RNF20: variants seen among roughly 807,000 people sequenced by gnomAD.
RNF20 encodes the protein E3 ubiquitin-protein ligase BRE1A.
In RNF20, 84 loss-of-function variants were observed where a neutral mutation model predicts 126.2. That is an observed-to-expected ratio of 0.67 (90% CI 0.56 to 0.80). The LOEUF is 0.80. RNF20 is among the 30% of genes least tolerant of loss of function. The pLI, the probability that RNF20 is intolerant of heterozygous loss-of-function variation, is 0.00. For synonymous variants in RNF20, 400 were observed against 414.3 expected (o/e 0.97, Z 0.42); for missense variants, 869 against 1,188.2 (o/e 0.73, Z 3.95).
At position 101,536,464 on chromosome 9, in the gene RNF20, A is replaced by G. The variant is rs147489648; in HGVS notation, c.129+912A>G. On this transcript the variant is annotated intron_variant, in intron 2 of 19. Coordinates refer to ENST00000389120, the MANE Select transcript of RNF20 (RefSeq NM_019592.7). The stretch of plus-strand genomic sequence containing the variant: ...TTTTTTGAGTCAGAATAATAGGAAC[A>G]TTCATAGTGAGTTGTTGATGAAGTG... Among the ~76,000 whole-genome samples, 3 of 152,228 alleles carry G rather than the reference A, an allele frequency of 2.0e-5. No homozygotes were observed. The East Asian group carries it at 5.8e-4, about 29-fold the overall frequency.
Position 101,552,731 on chromosome 9 carries a change from A to G in RNF20, c.1879A>G (p.Lys627Glu). The G allele has an allele frequency of 6.2e-7, 1 of 1,608,290 alleles. No homozygotes were observed. The highest frequency in any genetic ancestry group is 1.1e-5 in the South Asian group (1 of 90,160). The stretch of plus-strand genomic sequence containing the variant: ...ACGGAAAAAGGAAGCAGAAATTATC[A>G]AACAATTGAAGATTGAACTCAAGTA... ...DGRKKEAEIIKQLKIELKKAQ... is the reference protein window; with the variant it reads ...DGRKKEAEIIEQLKIELKKAQ... Residue 627 changes from lysine to glutamate, a missense_variant, in exon 13 of 20, where the codon AAA becomes GAA. Lys to Glu is a moderately conservative substitution (Grantham distance 56). This residue lies in a region of RNF20 where 231 missense variants were observed against 263.6 expected (regional missense o/e 0.88). Coordinates refer to ENST00000389120, the MANE Select transcript of RNF20 (RefSeq NM_019592.7).
intron 2 of RNF20, among the ~76,000 whole-genome samples, chr9:101,538,062 T>C (rs1827210556): frequency 6.6e-6 from 1 of 152,024 alleles, no homozygotes; most frequent in African/African-American, 2.4e-5. Flanking sequence ...GACCAATGGA[T>C]TGTAGATCCT....
At chr9:101,553,894 T>G (rs1827488103) in intron 13 of RNF20, 94 bp from the exon 14 acceptor site, 1 of 680,168 alleles carries the variant, frequency 1.5e-6, no homozygotes. Flanking sequence ...AATGAAACTG[T>G]TTTAAAATAT....
chr9:101,551,349 A>G (rs1564110384), intron 10 of RNF20, among the ~76,000 whole-genome samples: 1 of 152,188 alleles, frequency 6.6e-6, no homozygotes, highest in Non-Finnish European at 1.5e-5. Context: ...ACTTTTATTC[A>G]TATGTTCATT....
chr9:101,540,453 C>T lies in RNF20; in HGVS notation c.298-37C>T, dbSNP rs199601191. 36 of 1,611,246 alleles carry T rather than the reference C, an allele frequency of 2.2e-5. No homozygotes were observed. The East Asian group carries it at 7.8e-4, about 35-fold the overall frequency. On this transcript the variant is annotated intron_variant, in intron 3 of 19. Coordinates refer to ENST00000389120, the MANE Select transcript of RNF20 (RefSeq NM_019592.7). ...GTTCTCTTCATTTCCAAAGTTGTGT[C>T]CTTTGTTTCTTCATAATTGTACCTA...
chr9:101,558,152 G>A (rs2118737501), intron 16 of RNF20, among the ~76,000 whole-genome samples: 1 of 151,702 alleles, frequency 6.6e-6, no homozygotes, highest in South Asian at 2.1e-4. Context: ...GTAGTCTATT[G>A]TACCCAGTGT....
intron 5 of RNF20, 42 bp from the exon 6 acceptor site, chr9:101,544,725 A>C: frequency 7.8e-7 from 1 of 1,285,558 alleles, no homozygotes; most frequent in Non-Finnish European, 1.1e-6. Context: ...AAAAAAAATG[A>C]CACTCTAGAT....
At position 101,562,239 on chromosome 9, in the gene RNF20, T is replaced by C. The variant is rs763302835; in HGVS notation, c.2752-7T>C. 1.9e-6 allele frequency: 3 copies of C among 1,606,660 alleles called. No homozygotes were observed. In the East Asian group the frequency reaches 6.7e-5, roughly 36 times the overall value. On this transcript the variant is annotated splice_polypyrimidine_tract_variant and splice_region_variant and intron_variant, in intron 19 of 19. Transcript: ENST00000389120. Reference sequence around the variant, plus strand: ...GTTGTTCAAACTCTGACATCTTTTCTTTTTAGGCACGCTTGACCTGTCCGT... The same window carrying C: ...GTTGTTCAAACTCTGACATCTTTTCCTTTTAGGCACGCTTGACCTGTCCGT...
chr9:101,545,931 A>G (rs367933774), intron 6 of RNF20, among the ~76,000 whole-genome samples: 1 of 152,066 alleles, frequency 6.6e-6, no homozygotes, highest in Non-Finnish European at 1.5e-5. Flanking sequence ...TTAATTGTCT[A>G]CTGGGATACC....
At position 101,540,148 on chromosome 9, in the gene RNF20, C is replaced by T. The variant is rs1273360946; in HGVS notation, c.130-55C>T. On this transcript the variant is annotated intron_variant, in intron 2 of 19. Coordinates refer to ENST00000389120, the MANE Select transcript of RNF20 (RefSeq NM_019592.7). ...ATAATTGTGACCTTGTTGAGTTTAACGGCTCATTTTTCTTATTTCTTTGTG... is the reference window on the plus strand; with the variant it reads ...ATAATTGTGACCTTGTTGAGTTTAATGGCTCATTTTTCTTATTTCTTTGTG... 30 of 1,519,820 alleles carry T rather than the reference C, an allele frequency of 2.0e-5. No homozygotes were observed. In the East Asian group the frequency reaches 3.0e-4, roughly 15 times the overall value. 94.1% of individuals were successfully genotyped at this position (1,519,820 alleles called of 1,614,324 possible). A position where few individuals can be genotyped will look rare whatever the true frequency, so the allele number is the denominator to read the frequency against.
chr9:101,550,495 T>C, intron 9 of RNF20, 111 bp from the exon 10 acceptor site: 1 of 851,038 alleles, frequency 1.2e-6, no homozygotes, highest in South Asian at 1.7e-5. Flanking sequence ...ATAATCTTTA[T>C]AAAATTGTCT....
intron 15 of RNF20, among the ~76,000 whole-genome samples, chr9:101,555,059 TA>T (rs1827511932): frequency 6.6e-6 from 1 of 152,178 alleles, no homozygotes; most frequent in South Asian, 2.1e-4. Flanking sequence ...TACTTTTATT[TA>T]AATGGACATT....
At chr9:101,555,976 A>T (rs941356229) in intron 15 of RNF20, among the ~76,000 whole-genome samples, 8 of 151,360 alleles carry the variant, frequency 5.3e-5, no homozygotes, top group South Asian at 4.2e-4. Flanking sequence ...AAAAAAGTGT[A>T]ATTTTGACTT....
At chr9:101,535,946 A>G (rs1827176340) in intron 2 of RNF20, among the ~76,000 whole-genome samples, 1 of 152,070 alleles carries the variant, frequency 6.6e-6, no homozygotes. Context: ...CCTGGAGTTG[A>G]CTCTGAGCTG....
chr9:101,550,877 A>T (rs980166113), intron 10 of RNF20, 92 bp downstream of exon 10: 17 of 1,139,550 alleles, frequency 1.5e-5, no homozygotes, highest in Non-Finnish European at 2.3e-5. Flanking sequence ...TCTCTCATTC[A>T]TTCAGCTGTC....
intron 9 of RNF20, among the ~76,000 whole-genome samples, chr9:101,550,351 A>G (rs1186792351): frequency 2.0e-5 from 3 of 152,330 alleles, no homozygotes; most frequent in Admixed American, 2.0e-4. Flanking sequence ...GGCTCATTTG[A>G]CACAGAATAT....
intron 16 of RNF20, among the ~76,000 whole-genome samples, chr9:101,558,232 G>A (rs187302589): frequency 1.1e-4 from 17 of 152,098 alleles, no homozygotes; most frequent in African/African-American, 3.6e-4. Context: ...ATGCCTTTGC[G>A]TCCTCACAGC....
chr9:101,549,353 A>C (rs1171684237), intron 9 of RNF20, among the ~76,000 whole-genome samples: 2 of 152,166 alleles, frequency 1.3e-5, no homozygotes, highest in Non-Finnish European at 2.9e-5. Flanking sequence ...AGAGAGAGAA[A>C]CAGCTTATGC....
chr9:101,543,126 T>C (rs1036598858), intron 5 of RNF20, among the ~76,000 whole-genome samples: 8 of 152,328 alleles, frequency 5.3e-5, no homozygotes, highest in South Asian at 2.1e-4. Flanking sequence ...TATTTGGAGG[T>C]TTGGAGTTGT....
Sources: allele counts gnomAD v4.1 joint callset (sites outside exome capture counted in the v4.1 genomes callset), GRCh38; gene constraint gnomAD v4.1.1; regional missense constraint gnomAD v4.1.1; transcripts MANE v1.5; gene names NCBI Gene and HGNC (gene_info 2026-07-23, HGNC 2026-07-21).